Variants in LMLN observed in about 807,000 individuals in gnomAD.
LMLN encodes the protein leishmanolysin like peptidase.
Under a neutral mutation model 92.3 loss-of-function variants are expected in LMLN, and 70 were observed. That is an observed-to-expected ratio of 0.76 (90% CI 0.63 to 0.92). The LOEUF is 0.92. Among genes scored for constraint, LMLN ranks in the 40% least tolerant of loss-of-function variants. The pLI is 0.00. For synonymous variants in LMLN, 308 were observed against 296.2 expected, an observed-to-expected ratio of 1.04 and a Z score of -0.41; for missense variants, 691 against 814.6, an observed-to-expected ratio of 0.85 and a Z score of 1.85.
Position 197,996,110 on chromosome 3 carries a change from A to C in LMLN, c.1048-65A>C, listed in dbSNP as rs1482415898. 6.5e-6 allele frequency: 5 copies of C among 768,004 alleles called. No homozygotes were observed. In the African/African-American group the frequency reaches 9.2e-5, roughly 14 times the overall value. 47.6% of individuals were successfully genotyped at this position (768,004 alleles called of 1,614,324 possible). Reference sequence around the variant, plus strand: ...AACTTATTATATTCATGTGATGAAAAGTTTGCTGTTATCTTACGGTACTTT... The same window carrying C: ...AACTTATTATATTCATGTGATGAAACGTTTGCTGTTATCTTACGGTACTTT... On this transcript the variant is annotated intron_variant, in intron 9 of 15. Coordinates refer to ENST00000330198, the Ensembl canonical transcript of LMLN.
chr3:197,980,676 T>G (rs1356008645), intron 6 of LMLN, 172 bp downstream of exon 6: 4 of 506,052 alleles, frequency 7.9e-6, no homozygotes, highest in Non-Finnish European at 1.4e-5. Context: ...GTGATTAGAC[T>G]GTTATTAATG....
chr3:198,021,600 A>C (rs959961565), exon 13 of LMLN: 2 of 1,613,810 alleles, frequency 1.2e-6, no homozygotes, highest in Non-Finnish European at 1.7e-6. Flanking sequence ...TTGGAAAATC[A>C]ACCAGGTTAG....
intron 11 of LMLN, among the ~76,000 whole-genome samples, chr3:198,012,810 C>T (rs1317016285): frequency 1.4e-5 from 2 of 147,810 alleles, no homozygotes; most frequent in African/African-American, 5.1e-5. Context: ...CTTCAGAGCC[C>T]CCTAACTAGT....
chr3:198,007,705 C>T (rs939708422), intron 11 of LMLN, among the ~76,000 whole-genome samples: 12 of 152,184 alleles, frequency 7.9e-5, no homozygotes, highest in African/African-American at 2.9e-4. Flanking sequence ...ATTATCTCGT[C>T]TGTATCTGCC....
chr3:197,970,386 A>G (rs1398611081), intron 1 of LMLN, among the ~76,000 whole-genome samples: 1 of 152,200 alleles, frequency 6.6e-6, no homozygotes, highest in Non-Finnish European at 1.5e-5. Context: ...CAGTGAAGGC[A>G]TACAAAGTAA....
chr3:197,983,022 T>A (rs1721602254), intron 6 of LMLN, among the ~76,000 whole-genome samples: 1 of 152,234 alleles, frequency 6.6e-6, no homozygotes, highest in South Asian at 2.1e-4. Context: ...TGAAGAGTTT[T>A]AAGCCTGGAA....
At chr3:197,985,291 C>T (rs1336817088) in intron 7 of LMLN, among the ~76,000 whole-genome samples, 2 of 151,712 alleles carry the variant, frequency 1.3e-5, no homozygotes, top group South Asian at 2.1e-4. Flanking sequence ...CGGTGGCTCT[C>T]GCCTGTAATC....
At chr3:198,007,395 C>A (rs1232314498) in intron 11 of LMLN, among the ~76,000 whole-genome samples, 2 of 151,492 alleles carry the variant, frequency 1.3e-5, no homozygotes, top group African/African-American at 4.8e-5. Flanking sequence ...TCTTTGTGTA[C>A]AGATAGGCAA....
At chr3:198,032,728 C>A (rs1202934790) in intron 14 of LMLN, among the ~76,000 whole-genome samples, 1 of 152,176 alleles carries the variant, frequency 6.6e-6, no homozygotes, top group East Asian at 1.9e-4. Context: ...CCAAGCTATT[C>A]ATGAGGGATC....
chr3:198,027,240 G>T (rs374284840), intron 14 of LMLN, among the ~76,000 whole-genome samples: 1 of 151,636 alleles, frequency 6.6e-6, no homozygotes, highest in South Asian at 2.1e-4. Context: ...GTGACCTCCC[G>T]GTCACACACC....
At chr3:197,980,409 T>C (rs1054300667) in exon 6 of LMLN, 3 of 1,614,114 alleles carry the variant, frequency 1.9e-6, no homozygotes, top group Non-Finnish European at 2.5e-6. Context: ...ATGCAGACTT[T>C]GTTCTTTACG....
In LMLN at chr3:198,031,327, G is replaced by T. The variant is rs767847055; in HGVS notation, c.1657-4506G>T. 6.6e-6 allele frequency among the ~76,000 whole-genome samples: 1 copy of T among 152,168 alleles called. No homozygotes were observed. Among genetic ancestry groups the T allele is most frequent in the Non-Finnish European group, 1.5e-5 (1 of 68,032 alleles). On this transcript the variant is annotated intron_variant, in intron 14 of 15. Coordinates refer to ENST00000330198, the Ensembl canonical transcript of LMLN. The surrounding 1 kb of genome is among the most constrained non-coding windows in gnomAD (Gnocchi z 4.8). The stretch of plus-strand genomic sequence containing the variant: ...GACTCCCCATATTGGTGATAAAAAT[G>T]TTTGTTTTCTCCTGGAAAAGGAAGG...
chr3:197,984,359 T>A (rs1721639528), intron 7 of LMLN, among the ~76,000 whole-genome samples: 1 of 152,028 alleles, frequency 6.6e-6, no homozygotes, highest in South Asian at 2.1e-4. Context: ...AGAGGCCGAC[T>A]TTGTATCAAA....
chr3:197,979,411 C>T (rs73091351), intron 5 of LMLN, among the ~76,000 whole-genome samples: 3,844 of 152,258 alleles, frequency 0.025, 73 homozygotes, highest in Admixed American at 0.037. Flanking sequence ...CGGTGACTCA[C>T]GCCTGTAATC....
chr3:197,980,585 A>T, intron 6 of LMLN, 81 bp downstream of exon 6: 2 of 1,383,878 alleles, frequency 1.4e-6, no homozygotes, highest in Non-Finnish European at 2.0e-6. Flanking sequence ...TGTTAAGATT[A>T]CAGGAATCTT....
exon 9 of LMLN, chr3:197,990,602 G>A (rs1307239286): frequency 6.2e-7 from 1 of 1,600,296 alleles, no homozygotes; most frequent in African/African-American, 1.3e-5. Flanking sequence ...TCGAAAAGTG[G>A]AGAGATTATG....
intron 11 of LMLN, among the ~76,000 whole-genome samples, chr3:198,015,579 C>T (rs6772720): frequency 0.25 from 26,914 of 106,406 alleles, 5,118 homozygotes; most frequent in African/African-American, 0.64. Flanking sequence ...CTCCACCCTT[C>T]AGAGCCCCCT....
intron 4 of LMLN, chr3:197,976,368 C>G (rs1161923620): frequency 4.2e-6 from 2 of 476,882 alleles, no homozygotes; most frequent in African/African-American, 2.0e-5. Flanking sequence ...CACCTTTTTC[C>G]CTCTTTCATG....
chr3:198,024,279 A>ATG (rs1200275490), intron 13 of LMLN, among the ~76,000 whole-genome samples: 30 of 148,512 alleles, frequency 2.0e-4, no homozygotes, highest in Non-Finnish European at 1.0e-4. Flanking sequence ...GCAGTGGTAC[A>ATG]ATCTCGGCTC....
Sources: gnomAD v4.1 joint callset for allele counts (sites outside exome capture counted in the v4.1 genomes callset) on GRCh38, gnomAD v4.1.1 for gene constraint, Gnocchi (gnomAD v3.1) non-coding constraint, MANE v1.5 for transcripts, NCBI Gene and HGNC (gene_info 2026-07-23, HGNC 2026-07-21) for gene names.